FSTL1: variants seen among roughly 807,000 people sequenced by gnomAD.
The protein encoded by FSTL1 is follistatin-related protein 1.
A neutral mutation model predicts 45.9 loss-of-function variants in FSTL1; 24 were observed. That is an observed-to-expected ratio of 0.52 (90% CI 0.38 to 0.74). The LOEUF (loss-of-function observed/expected upper bound fraction) is 0.74, where lower values mean the gene tolerates loss of function less well. Ranked by LOEUF, FSTL1 falls within the 30% of genes least tolerant of loss-of-function variation. The pLI, the probability that FSTL1 is intolerant of heterozygous loss-of-function variation, is 0.00. For missense variants in FSTL1, 340 were observed against 381.8 expected (o/e 0.89, Z 0.91); for synonymous variants, 120 against 137.6 (o/e 0.87, Z 0.89).
In FSTL1 at chr3:120,414,390, G is replaced by A. The variant is rs567108563; in HGVS notation, c.168+1533C>T. On this transcript the variant is annotated intron_variant, in intron 3 of 10. Coordinates refer to ENST00000295633, the MANE Select transcript of FSTL1 (RefSeq NM_007085.5). ...TAGGAAGTGAGGAGCGTCTCTGCCC[G>A]GCCGCCCATCGTCTGAGATGTGGGG... Among the ~76,000 whole-genome samples the A allele has an allele frequency of 5.7e-4, 84 of 146,518 alleles. No individual in the cohort carries two copies. In the East Asian group the frequency reaches 0.013, roughly 23 times the overall value.
rs534210213 is a variant in FSTL1 at position 120,443,713 on chromosome 3, T to C, written c.63+6971A>G. Among the ~76,000 whole-genome samples, 15 of 149,998 alleles carry C rather than the reference T, an allele frequency of 1.0e-4. 2 individuals are homozygous for C. The highest frequency in any genetic ancestry group is 3.3e-4 in the African/African-American group (13 of 39,386). On this transcript the variant is annotated intron_variant, in intron 2 of 10. Coordinates refer to ENST00000295633, the MANE Select transcript of FSTL1 (RefSeq NM_007085.5). ...TATGACCTGTTTGTCAACAGCTTAG[T>C]TGGTCACAAATGGTGTCCAGGATTA...
chr3:120,425,369 A>G (rs1937358844), intron 2 of FSTL1, among the ~76,000 whole-genome samples: 1 of 152,176 alleles, frequency 6.6e-6, no homozygotes, highest in South Asian at 2.1e-4. Context: ...ACAGCCAAAA[A>G]AAAAAAAAAG....
chr3:120,404,705 T>C (rs1478804425), intron 7 of FSTL1, 148 bp downstream of exon 7: 4 of 642,342 alleles, frequency 6.2e-6, no homozygotes, highest in East Asian at 2.5e-5. Flanking sequence ...CATACTTTCA[T>C]AGAATAGAAC....
chr3:120,409,889 G>A, intron 5 of FSTL1: 1 of 364,634 alleles, frequency 2.7e-6, no homozygotes, highest in East Asian at 4.4e-5. Context: ...TTGAAACAGA[G>A]AGATTTTGCT....
intron 2 of FSTL1, among the ~76,000 whole-genome samples, chr3:120,434,014 G>A (rs1716836): frequency 0.89 from 134,805 of 152,170 alleles, 60,540 homozygotes; most frequent in Non-Finnish European, 0.97. Context: ...TCAGGGAGTG[G>A]CATGATCAGA....
intron 2 of FSTL1, among the ~76,000 whole-genome samples, chr3:120,430,626 A>G (rs558431906): frequency 3.3e-5 from 5 of 152,222 alleles, no homozygotes; most frequent in Non-Finnish European, 7.3e-5. Flanking sequence ...TTGAAAAGAA[A>G]AGCAACAATC....
chr3:120,431,446 A>G (rs1175552120), intron 2 of FSTL1, among the ~76,000 whole-genome samples: 1 of 152,222 alleles, frequency 6.6e-6, no homozygotes, highest in Admixed American at 6.5e-5. Flanking sequence ...TTACACTTAC[A>G]GTACATCTAA....
At chr3:120,429,379 T>C (rs1937438977) in intron 2 of FSTL1, among the ~76,000 whole-genome samples, 1 of 152,268 alleles carries the variant, frequency 6.6e-6, no homozygotes, top group South Asian at 2.1e-4. Context: ...TTCAGCCATA[T>C]ATTTTATCAT....
At chr3:120,418,630 T>A (rs1236644227) in intron 2 of FSTL1, among the ~76,000 whole-genome samples, 1 of 152,188 alleles carries the variant, frequency 6.6e-6, no homozygotes, top group Non-Finnish European at 1.5e-5. Flanking sequence ...AATTAGCAAG[T>A]GTCGGGAGAA....
chr3:120,425,120 C>T (rs988289530), intron 2 of FSTL1, among the ~76,000 whole-genome samples: 11 of 152,144 alleles, frequency 7.2e-5, no homozygotes, highest in Admixed American at 7.2e-4. Context: ...CCAGGAGATG[C>T]AGCACATGGC....
In FSTL1 at chr3:120,403,292, A is replaced by C; in HGVS notation, c.644T>G (p.Phe215Cys). 9.3e-6 allele frequency: 15 copies of C among 1,612,792 alleles called. No individual in the cohort carries two copies. The highest frequency in any genetic ancestry group is 1.3e-5 in the Non-Finnish European group (15 of 1,178,726). The change falls in exon 8 of 11, where the codon TTC becomes TGC. Residue 215 changes from phenylalanine to cysteine, a missense_variant. Transcript: ENST00000295633. The part of the protein sequence containing the change: ...SDENADWKLS[F>C]QEFLKCLNPS... ...GTTGAGGCACTTGAGAAACTCTTGG[A>C]AGCTGAGTTTCCAATCAGCATTTTC...
At chr3:120,406,019 T>C (rs1346781898) in intron 6 of FSTL1, among the ~76,000 whole-genome samples, 1 of 152,102 alleles carries the variant, frequency 6.6e-6, no homozygotes, top group African/African-American at 2.4e-5. Context: ...GAAACATCTA[T>C]CCAAATTTCT....
intron 9 of FSTL1, among the ~76,000 whole-genome samples, chr3:120,400,381 T>C (rs959456822): frequency 2.6e-5 from 4 of 152,222 alleles, no homozygotes; most frequent in Non-Finnish European, 4.4e-5. Flanking sequence ...CTGATTTAAT[T>C]GATGTGAGGT....
intron 2 of FSTL1, among the ~76,000 whole-genome samples, chr3:120,436,207 C>T (rs960526134): frequency 3.3e-5 from 5 of 152,154 alleles, no homozygotes; most frequent in African/African-American, 7.2e-5. Context: ...TAAGAGGAAG[C>T]GGTTAACTTT....
chr3:120,397,117 C>G, intron 10 of FSTL1, 121 bp from the exon 11 acceptor site: 1 of 820,872 alleles, frequency 1.2e-6, no homozygotes, highest in East Asian at 2.4e-5. Flanking sequence ...TAGTTGTTTA[C>G]TTGTCGGGCT....
intron 6 of FSTL1, 22 bp downstream of exon 6, chr3:120,409,510 C>T (rs1375897674): frequency 6.2e-7 from 1 of 1,611,606 alleles, no homozygotes; most frequent in African/African-American, 1.3e-5. Flanking sequence ...CCTGAATAGT[C>T]TTCCTCCTAC....
chr3:120,401,767 G>A (rs1183859725), intron 9 of FSTL1, among the ~76,000 whole-genome samples: 1 of 152,008 alleles, frequency 6.6e-6, no homozygotes. Context: ...ATTTTTGTAG[G>A]GACATGGTCT....
intron 2 of FSTL1, among the ~76,000 whole-genome samples, chr3:120,433,538 G>A (rs879427927): frequency 2.0e-5 from 3 of 152,162 alleles, no homozygotes; most frequent in Non-Finnish European, 4.4e-5. Context: ...AGCACAACTG[G>A]TTCTAGGTAT....
chr3:120,401,011 A>T (rs1451972460), intron 9 of FSTL1, among the ~76,000 whole-genome samples: 1 of 152,252 alleles, frequency 6.6e-6, no homozygotes, highest in Non-Finnish European at 1.5e-5. Context: ...TGCATGTGAT[A>T]GAGATTATTA....
Sources: allele counts gnomAD v4.1 joint callset (sites outside exome capture counted in the v4.1 genomes callset), GRCh38; gene constraint gnomAD v4.1.1; transcripts MANE v1.5; gene names NCBI Gene and HGNC (gene_info 2026-07-23, HGNC 2026-07-21).